BORCS5: variants seen among roughly 807,000 people sequenced by gnomAD.
BORCS5 encodes BLOC-1 related complex subunit 5.
In BORCS5, 17 loss-of-function variants were observed where a neutral mutation model predicts 22.1. The ratio of observed to expected loss-of-function variants is 0.77; its 90% CI spans 0.53 to 1.15. The LOEUF (loss-of-function observed/expected upper bound fraction) is 1.15, where lower values mean the gene tolerates loss of function less well. BORCS5 is among the 50% of genes most tolerant of loss of function. The pLI is 0.00. For synonymous variants in BORCS5, 117 were observed against 99.8 expected, an observed-to-expected ratio of 1.17 and a Z score of -1.03; for missense variants, 247 against 253.2, an observed-to-expected ratio of 0.98 and a Z score of 0.17.
intron 2 of BORCS5, among the ~76,000 whole-genome samples, chr12:12,377,199 A>G (rs1158742808): frequency 4.8e-5 from 7 of 144,642 alleles, no homozygotes; most frequent in East Asian, 2.0e-4. Context: ...TTTTCTCGAG[A>G]CGGAGTCTTG....
At chr12:12,393,465 C>T (rs1941250404) in intron 2 of BORCS5, among the ~76,000 whole-genome samples, 1 of 151,990 alleles carries the variant, frequency 6.6e-6, no homozygotes, top group Non-Finnish European at 1.5e-5. Flanking sequence ...TATCCTTATA[C>T]AACTGGTTAT....
intron 2 of BORCS5, among the ~76,000 whole-genome samples, chr12:12,412,790 C>T (rs1362850576): frequency 1.3e-5 from 2 of 151,564 alleles, no homozygotes; most frequent in Admixed American, 6.6e-5. Context: ...GAGGTAGTCT[C>T]CTTCCATTCC....
intron 2 of BORCS5, among the ~76,000 whole-genome samples, chr12:12,392,366 C>G (rs1200974884): frequency 2.0e-5 from 3 of 152,108 alleles, no homozygotes; most frequent in Non-Finnish European, 4.4e-5. Flanking sequence ...TCATGCCACA[C>G]TGCCCCTCTG....
At chr12:12,374,213 G>C (rs187525790) in intron 2 of BORCS5, among the ~76,000 whole-genome samples, 1 of 151,382 alleles carries the variant, frequency 6.6e-6, no homozygotes, top group African/African-American at 2.4e-5. Context: ...GGATGGTCTC[G>C]ATCTCCTGAC....
intron 3 of BORCS5, among the ~76,000 whole-genome samples, chr12:12,455,932 C>T (rs1445184961): frequency 3.3e-5 from 5 of 152,132 alleles, no homozygotes; most frequent in African/African-American, 7.2e-5. Context: ...AGCTTACCTA[C>T]TCATTTTTCT....
chr12:12,391,552 A>AT (rs1215965112), intron 2 of BORCS5, among the ~76,000 whole-genome samples: 3 of 151,206 alleles, frequency 2.0e-5, no homozygotes, highest in Admixed American at 1.3e-4. Context: ...TGCCCGGCTA[A>AT]TTTTTTTGTA....
chr12:12,426,113 T>C (rs1332278173), intron 2 of BORCS5, among the ~76,000 whole-genome samples: 1 of 152,242 alleles, frequency 6.6e-6, no homozygotes, highest in Non-Finnish European at 1.5e-5. Context: ...GGATTCCAAT[T>C]CCGGGTCTAC....
chr12:12,434,937 G>A (rs1942522398), intron 2 of BORCS5, among the ~76,000 whole-genome samples: 1 of 152,132 alleles, frequency 6.6e-6, no homozygotes, highest in African/African-American at 2.4e-5. Flanking sequence ...GGCATCATTT[G>A]GCCTCTTCAA....
At chr12:12,413,201 G>GCA (rs774135787) in intron 2 of BORCS5, among the ~76,000 whole-genome samples, 1 of 82,560 alleles carries the variant, frequency 1.2e-5, no homozygotes, top group East Asian at 2.2e-4. Context: ...GGGAAGGTCT[G>GCA]GTTTTCCTAG....
chr12:12,380,587 ACC>A (rs1489540158), intron 2 of BORCS5, among the ~76,000 whole-genome samples: 1 of 151,494 alleles, frequency 6.6e-6, no homozygotes, highest in African/African-American at 2.4e-5. Context: ...AACCTTTGTG[ACC>A]ATGTGTTCAT....
chr12:12,442,820 T>C (rs1434284730), intron 3 of BORCS5, among the ~76,000 whole-genome samples: 3 of 152,202 alleles, frequency 2.0e-5, no homozygotes, highest in African/African-American at 7.2e-5. Context: ...TCAACTGGTG[T>C]TTGAAGGAAT....
chr12:12,366,377 A>G (rs900762519), intron 2 of BORCS5, among the ~76,000 whole-genome samples: 5 of 152,218 alleles, frequency 3.3e-5, no homozygotes, highest in Non-Finnish European at 7.3e-5. Context: ...TGCATTTTTA[A>G]TAAGCAAGCA....
intron 2 of BORCS5, among the ~76,000 whole-genome samples, chr12:12,387,882 G>A (rs1039849573): frequency 2.6e-5 from 4 of 151,168 alleles, no homozygotes; most frequent in Non-Finnish European, 5.9e-5. Flanking sequence ...GAATCCCCAC[G>A]ATTAACACAC....
chr12:12,458,506 A>G (rs1030119763), intron 3 of BORCS5, among the ~76,000 whole-genome samples: 4 of 151,314 alleles, frequency 2.6e-5, no homozygotes, highest in Non-Finnish European at 5.9e-5. Context: ...TTATTTTCAT[A>G]GGGAATAAAA....
rs987819085 is a variant in BORCS5, at chr12:12,470,877, C to T, written c.*5101C>T. On this transcript the variant is annotated 3_prime_UTR_variant, in exon 4 of 4. Coordinates refer to ENST00000314565, the MANE Select transcript of BORCS5 (RefSeq NM_058169.6). Reference sequence around the variant, plus strand: ...GCCTCCGGGATTTTTCCAGGGTTATCAATGTCAGTGTAAGATCTGATGGAA... The same window carrying T: ...GCCTCCGGGATTTTTCCAGGGTTATTAATGTCAGTGTAAGATCTGATGGAA... 8.5e-5 allele frequency among the ~76,000 whole-genome samples: 13 copies of T among 152,058 alleles called. No individual in the cohort carries two copies. The highest frequency in any genetic ancestry group is 2.7e-4 in the African/African-American group (11 of 41,392).
Position 12,470,850 on chromosome 12 carries a change from A to G in BORCS5, c.*5074A>G, listed in dbSNP as rs1471615536. The stretch of plus-strand genomic sequence containing the variant: ...GCGTTATGCTGGTGTGTGCGTGTCC[A>G]TGCCTCCGGGATTTTTCCAGGGTTA... On this transcript the variant is annotated 3_prime_UTR_variant, in exon 4 of 4. Coordinates refer to ENST00000314565, the MANE Select transcript of BORCS5 (RefSeq NM_058169.6). Among the ~76,000 whole-genome samples the G allele has an allele frequency of 6.6e-6, 1 of 152,192 alleles. No homozygotes were observed. The highest frequency in any genetic ancestry group is 1.9e-4 in the East Asian group (1 of 5,180).
rs540129541 is a variant in BORCS5 at position 12,466,548 on chromosome 12, T to C, written c.*772T>C. On this transcript the variant is annotated 3_prime_UTR_variant, in exon 4 of 4. Coordinates refer to ENST00000314565, the MANE Select transcript of BORCS5 (RefSeq NM_058169.6). ...TGCCAGGGATACAAATATGGCCGTA[T>C]AGCCTCAGGCCTTCATTTCTGAAAA... 3 of 152,342 alleles carry C rather than the reference T, an allele frequency of 2.0e-5. No individual in the cohort carries two copies. The South Asian group carries it at 6.2e-4, about 32-fold the overall frequency. 9.4% of individuals were successfully genotyped at this position (152,342 alleles called of 1,614,324 possible).
intron 2 of BORCS5, among the ~76,000 whole-genome samples, chr12:12,379,917 G>T (rs527491573): frequency 2.6e-5 from 4 of 151,366 alleles, no homozygotes; most frequent in Middle Eastern, 3.4e-3. Flanking sequence ...CCTCACTCTA[G>T]CTTTTGATTT....
intron 3 of BORCS5, among the ~76,000 whole-genome samples, chr12:12,450,510 A>T (rs991919233): frequency 2.6e-4 from 40 of 152,038 alleles, no homozygotes; most frequent in African/African-American, 9.4e-4. Context: ...GTAATTTATT[A>T]TTTTTTTTAT....
Sources: gnomAD v4.1 joint callset for allele counts (sites outside exome capture counted in the v4.1 genomes callset) on GRCh38, gnomAD v4.1.1 for gene constraint, MANE v1.5 for transcripts, NCBI Gene and HGNC (gene_info 2026-07-23, HGNC 2026-07-21) for gene names.